The following MMP11 variants were observed in gnomAD, a reference collection of about 807,000 sequenced individuals.
MMP11 encodes the protein matrix metallopeptidase 11.
MMP11 carries 26 observed loss-of-function variants against 49.5 expected under a neutral mutation model. The observed-to-expected ratio is 0.52, with a 90% CI of 0.38 to 0.73. The LOEUF (loss-of-function observed/expected upper bound fraction) is 0.73, where lower values mean the gene tolerates loss of function less well. Among genes scored for constraint, MMP11 ranks in the 30% least tolerant of loss-of-function variants. The pLI is 0.00. For synonymous variants in MMP11, 265 were observed against 282.3 expected (o/e 0.94, Z 0.62); for missense variants, 624 against 671.2 (o/e 0.93, Z 0.78).
At position 23,783,910 on chromosome 22, in the gene MMP11, G is replaced by A; in HGVS notation, c.*366G>A. 4.0e-6 allele frequency: 1 copy of A among 252,116 alleles called. No individual in the cohort carries two copies. The highest frequency in any genetic ancestry group is 6.6e-5 in the South Asian group (1 of 15,110). 15.6% of individuals were successfully genotyped at this position (252,116 alleles called of 1,614,324 possible). ...AGTGTCCTTGCTGTATCCCTGTTGT[G>A]AGGTTCCTTCCAGGGGCTGGCACTG... On this transcript the variant is annotated 3_prime_UTR_variant, in exon 8 of 8. Coordinates refer to ENST00000215743, the MANE Select transcript of MMP11 (RefSeq NM_005940.5).
At chr22:23,777,404 A>C (rs886357090) in intron 1 of MMP11, among the ~76,000 whole-genome samples, 1 of 151,964 alleles carries the variant, frequency 6.6e-6, no homozygotes, top group African/African-American at 2.4e-5. Flanking sequence ...GTTTCTACTA[A>C]AAATACAAAA....
chr22:23,781,162 C>T (rs745979488), intron 5 of MMP11, 31 bp from the exon 6 acceptor site: 2 of 1,609,376 alleles, frequency 1.2e-6, no homozygotes, highest in Non-Finnish European at 8.5e-7. Flanking sequence ...CAGCATATGC[C>T]CTCAGCATGT....
At chr22:23,775,970 G>A (rs1057289513) in intron 1 of MMP11, among the ~76,000 whole-genome samples, 1 of 152,258 alleles carries the variant, frequency 6.6e-6, no homozygotes. Flanking sequence ...AGATAGGAAA[G>A]TTGAGGCTAA....
rs764023404 is a variant in MMP11, at chr22:23,781,307, C to T, written c.973C>T (p.Gln325Ter). 23 of 1,612,878 alleles carry T rather than the reference C, an allele frequency of 1.4e-5. No homozygotes were observed. The highest frequency in any genetic ancestry group is 1.9e-5 in the Non-Finnish European group (22 of 1,180,002). Residue 325 changes from glutamine (Q) to a stop codon, truncating the protein, a stop_gained, in exon 6 of 8, where the codon CAG becomes TAG. Coordinates refer to ENST00000215743, the MANE Select transcript of MMP11 (RefSeq NM_005940.5). LOFTEE classifies it high-confidence loss of function. ...FVWRLRGGQL[Q>*]PGYPALASRH... ...GTGGCGCCTCCGTGGGGGCCAGCTGCAGCCCGGCTACCCAGCATTGGCCTC... is the reference window on the plus strand; with the variant it reads ...GTGGCGCCTCCGTGGGGGCCAGCTGTAGCCCGGCTACCCAGCATTGGCCTC...
rs199515716 is a variant in MMP11, at chr22:23,783,434, C to T, written c.1357C>T (p.Arg453Cys). Residue 453 changes from arginine to cysteine, a missense_variant, in exon 8 of 8, where the codon CGC (arginine) becomes TGC (cysteine). Physicochemically the swap from Arg to Cys is radical, Grantham distance 180. Transcript: ENST00000215743. Reference sequence around the variant, plus strand: ...AGGCTATGCCTACTTCCTGCGCGGCCGCCTCTACTGGAAGTTTGACCCTGT... The same window carrying T: ...AGGCTATGCCTACTTCCTGCGCGGCTGCCTCTACTGGAAGTTTGACCCTGT... ...ADGYAYFLRG[R>C]LYWKFDPVKV... 19 of 1,614,202 alleles carry T rather than the reference C, an allele frequency of 1.2e-5. No individual in the cohort carries two copies. Among genetic ancestry groups the T allele is most frequent in the Middle Eastern group, 1.6e-4 (1 of 6,062 alleles).
In MMP11 at chr22:23,772,919, C is replaced by T. The variant is rs1309232533; in HGVS notation, c.49C>T (p.Pro17Ser). 19 of 1,201,890 alleles carry T rather than the reference C, an allele frequency of 1.6e-5. No homozygotes were observed. The highest frequency in any genetic ancestry group is 1.1e-4 in the East Asian group (3 of 26,462). 74.5% of individuals were successfully genotyped at this position (1,201,890 alleles called of 1,614,324 possible). ...CAGCGCGGCCGCGCGCGCCCTCCTG[C>T]CCCCGATGCTGCTGCTGCTGCTCCA... is the stretch of plus-strand genomic sequence containing the variant. Reference protein sequence around the residue: ...LRSAAARALLPPMLLLLLQPP... With the variant: ...LRSAAARALLSPMLLLLLQPP... The change falls in exon 1 of 8, where the codon CCC becomes TCC. Residue 17 changes from proline to serine, a missense_variant. Physicochemically the swap from Pro to Ser is moderately conservative, Grantham distance 74 (BLOSUM62 -1). Transcript: ENST00000215743.
At position 23,780,632 on chromosome 22, in the gene MMP11, C is replaced by A; in HGVS notation, c.533C>A (p.Ala178Asp). ...LPFDGPGGILAHAFFPKTHRE... is the reference protein window; with the variant it reads ...LPFDGPGGILDHAFFPKTHRE... ...TTTGATGGGCCTGGGGGCATCCTGGCCCATGCCTTCTTCCCCAAGACTCAC... is the reference window on the plus strand; with the variant it reads ...TTTGATGGGCCTGGGGGCATCCTGGACCATGCCTTCTTCCCCAAGACTCAC... Residue 178 changes from alanine (A) to aspartate (D), a missense_variant, in exon 4 of 8, where the codon GCC (alanine) becomes GAC (aspartate). Physicochemically the swap from Ala to Asp is moderately radical, Grantham distance 126 (BLOSUM62 -2). Transcript: ENST00000215743. The surrounding 1 kb of genome is among the most constrained non-coding windows in gnomAD (Gnocchi z 4.6). 1 of 1,591,836 alleles carries A rather than the reference C, an allele frequency of 6.3e-7. No homozygotes were observed.
At chr22:23,782,032 C>A in intron 6 of MMP11, 194 bp from the exon 7 acceptor site, 1 of 800,534 alleles carries the variant, frequency 1.2e-6, no homozygotes, top group Non-Finnish European at 2.1e-6. Context: ...ACAGAGCATT[C>A]ACTGCCCCAG....
At chr22:23,779,564 C>A in intron 2 of MMP11, 148 bp downstream of exon 2, 1 of 718,238 alleles carries the variant, frequency 1.4e-6, no homozygotes, top group Non-Finnish European at 2.3e-6. Flanking sequence ...GGGAGGTCAT[C>A]TATGGGCAAA....
At chr22:23,779,614 ACCCT>A in intron 2 of MMP11, 198 bp downstream of exon 2, 1 of 582,850 alleles carries the variant, frequency 1.7e-6, no homozygotes, top group Non-Finnish European at 3.1e-6. Flanking sequence ...ACATATGGAG[ACCCT>A]CCCTCAGCAG....
rs1927727749 is a variant in MMP11, at chr22:23,783,599, G to C, written c.*55G>C. 6.2e-7 allele frequency: 1 copy of C among 1,604,628 alleles called. No individual in the cohort carries two copies. Among genetic ancestry groups the C allele is most frequent in the Admixed American group, 1.7e-5 (1 of 59,872 alleles). The stretch of plus-strand genomic sequence containing the variant: ...ACCCCTGCCAGGCCACGAATATCAG[G>C]CTAGAGACCCATGGCCATCTTTGTG... On this transcript the variant is annotated 3_prime_UTR_variant, in exon 8 of 8. Coordinates refer to ENST00000215743, the MANE Select transcript of MMP11 (RefSeq NM_005940.5).
At chr22:23,783,102 T>C (rs1927702231) in intron 7 of MMP11, among the ~76,000 whole-genome samples, 1 of 150,814 alleles carries the variant, frequency 6.6e-6, no homozygotes, top group Non-Finnish European at 1.5e-5. Flanking sequence ...CAGGAGAGAG[T>C]GATGTGGAGG....
In MMP11 at chr22:23,783,506, T is replaced by C. The variant is rs930578255; in HGVS notation, c.1429T>C (p.Phe477Leu). The C allele has an allele frequency of 4.3e-6, 7 of 1,614,108 alleles. No individual in the cohort carries two copies. The highest frequency in any genetic ancestry group is 3.3e-5 in the South Asian group (3 of 91,082). ...CTTCCCCCGTCTCGTGGGTCCTGAC[T>C]TCTTTGGCTGTGCCGAGCCTGCCAA... ...EGFPRLVGPD[F>L]FGCAEPANTF... is the part of the protein sequence containing the mutation. The change falls in exon 8 of 8, where the codon TTC (phenylalanine) becomes CTC (leucine). Residue 477 changes from phenylalanine (F) to leucine (L), a missense_variant. By Grantham distance (22) the Phe-to-Leu change is conservative (BLOSUM62 0). Coordinates refer to ENST00000215743, the MANE Select transcript of MMP11 (RefSeq NM_005940.5).
At chr22:23,774,002 T>TG (rs1391722037) in intron 1 of MMP11, among the ~76,000 whole-genome samples, 1 of 152,040 alleles carries the variant, frequency 6.6e-6, no homozygotes, top group Non-Finnish European at 1.5e-5. Flanking sequence ...GTAGAGTGAA[T>TG]GGGGGGCATC....
chr22:23,782,361 G>A lies in MMP11; in HGVS notation c.1211G>A (p.Arg404Gln), dbSNP rs780729049. ...GPEKNKIYFF[R>Q]GRDYWRFHPS... Reference sequence around the variant, plus strand: ...GAGAAGAACAAGATCTACTTCTTCCGAGGCAGGGACTACTGGCGTTTCCAC... The same window carrying A: ...GAGAAGAACAAGATCTACTTCTTCCAAGGCAGGGACTACTGGCGTTTCCAC... The change falls in exon 7 of 8, where the codon CGA (arginine) becomes CAA (glutamine). Residue 404 changes from arginine to glutamine, a missense_variant. Physicochemically the swap from Arg to Gln is conservative, Grantham distance 43 (BLOSUM62 1). Transcript: ENST00000215743. The A allele has an allele frequency of 5.0e-6, 8 of 1,613,898 alleles. No individual in the cohort carries two copies. The highest frequency in any genetic ancestry group is 2.2e-5 in the South Asian group (2 of 91,078).
chr22:23,777,109 C>T (rs926203524), intron 1 of MMP11, among the ~76,000 whole-genome samples: 25 of 147,852 alleles, frequency 1.7e-4, no homozygotes, highest in African/African-American at 5.7e-4. Flanking sequence ...GCCCGGCCAA[C>T]CAGTGCTAAG....
chr22:23,780,404 G>A lies in MMP11; in HGVS notation c.384G>A (p.Gln128=). Reference sequence around the variant, plus strand: ...AGTTGGTGCAGGAGCAGGTGCGGCAGACGATGGCAGAGGCCCTAAAGGTAT... The same window carrying A: ...AGTTGGTGCAGGAGCAGGTGCGGCAAACGATGGCAGAGGCCCTAAAGGTAT... The part of the protein sequence containing the change: ...PWQLVQEQVR[Q]TMAEALKVWS... The change falls in exon 3 of 8, where the codon CAG becomes CAA. Residue 128 remains glutamine (Q), a synonymous_variant. Transcript: ENST00000215743. The surrounding 1 kb of genome is among the most constrained non-coding windows in gnomAD (Gnocchi z 4.6). The A allele has an allele frequency of 6.2e-7, 1 of 1,613,726 alleles. No individual in the cohort carries two copies. Among genetic ancestry groups the A allele is most frequent in the African/African-American group, 1.3e-5 (1 of 75,044 alleles).
intron 1 of MMP11, among the ~76,000 whole-genome samples, chr22:23,776,410 C>T (rs1927411368): frequency 6.6e-6 from 1 of 152,238 alleles, no homozygotes; most frequent in Admixed American, 6.5e-5. Flanking sequence ...TGGCAGCCCA[C>T]ATCCTCCATG....
At chr22:23,782,134 GGA>G in intron 6 of MMP11, 90 bp from the exon 7 acceptor site, 3 of 1,528,324 alleles carry the variant, frequency 2.0e-6, no homozygotes, top group Non-Finnish European at 2.7e-6. Context: ...ACTGAGGCTG[GGA>G]GAGTCTGTGG....
Sources: allele counts gnomAD v4.1 joint callset (sites outside exome capture counted in the v4.1 genomes callset), GRCh38; gene constraint gnomAD v4.1.1; non-coding constraint Gnocchi (gnomAD v3.1); transcripts MANE v1.5; gene names NCBI Gene and HGNC (gene_info 2026-07-23, HGNC 2026-07-21).